Variants in CEP83 observed in about 807,000 individuals in gnomAD.
CEP83 encodes the protein centrosomal protein 83, also known as centrosomal protein of 83 kDa.
A neutral mutation model predicts 101.9 loss-of-function variants in CEP83; 70 were observed. The observed-to-expected ratio is 0.69, with a 90% confidence interval of 0.57 to 0.84. The LOEUF is 0.84. Ranked by LOEUF, CEP83 falls within the 40% of genes least tolerant of loss-of-function variation. CEP83 has a pLI of 0.00. For synonymous variants in CEP83, 264 were observed against 267.9 expected (o/e 0.99, Z 0.14); for missense variants, 715 against 787.2 (o/e 0.91, Z 1.10).
At chr12:94,298,365 G>C in the CEP83 span, among the ~76,000 whole-genome samples, 3 of 152,198 alleles carry the variant, frequency 2.0e-5, no homozygotes, top group African/African-American at 7.2e-5. Context: ...AACTGCTAGA[G>C]ATTTCTGATA....
chr12:94,303,107 A>G (rs1264042533), downstream of CEP83, among the ~76,000 whole-genome samples: 3 of 152,246 alleles, frequency 2.0e-5, no homozygotes, highest in Middle Eastern at 6.3e-3. Context: ...TTAAAAATAA[A>G]ATCATATTTA....
chr12:94,372,391 TTAC>T (rs1388073172), intron 8 of CEP83, among the ~76,000 whole-genome samples: 1 of 152,236 alleles, frequency 6.6e-6, no homozygotes, highest in Non-Finnish European at 1.5e-5. Context: ...AGATTGGATT[TTAC>T]TACATTATAA....
At chr12:94,351,149 G>C (rs117618275) in intron 11 of CEP83, among the ~76,000 whole-genome samples, 6,925 of 152,250 alleles carry the variant, frequency 0.045, 214 homozygotes, top group Non-Finnish European at 0.072. Flanking sequence ...CACCCAGCCA[G>C]GATTGGCTCA....
At position 94,359,513 on chromosome 12, in the gene CEP83, C is replaced by T. The variant is rs2060642215; in HGVS notation, c.1343+8281G>A. Among the ~76,000 whole-genome samples, 4 of 152,096 alleles carry T rather than the reference C, an allele frequency of 2.6e-5. No individual in the cohort carries two copies. In the South Asian group the frequency reaches 8.3e-4, roughly 32 times the overall value. On this transcript the variant is annotated intron_variant, in intron 11 of 16. Transcript: ENST00000397809. ...ACTATTATGAGCAACTGTAGGACAA[C>T]AAATAGGAAAACCTAGAGAAAATGG...
the CEP83 span, among the ~76,000 whole-genome samples, chr12:94,291,169 A>AAT: frequency 2.0e-5 from 3 of 152,248 alleles, no homozygotes. Flanking sequence ...CAAAAGAGGC[A>AAT]ATATATACAG....
At chr12:94,316,101 C>T (rs966765414) in intron 14 of CEP83, among the ~76,000 whole-genome samples, 5 of 152,098 alleles carry the variant, frequency 3.3e-5, no homozygotes, top group Non-Finnish European at 7.4e-5. Flanking sequence ...AGAACTGACA[C>T]CTTAATATTG....
chr12:94,453,269 G>A (rs1037899982), intron 1 of CEP83, among the ~76,000 whole-genome samples: 5 of 152,004 alleles, frequency 3.3e-5, no homozygotes, highest in South Asian at 2.1e-4. Flanking sequence ...TACCACTAAC[G>A]TTGATGACTC....
intron 4 of CEP83, among the ~76,000 whole-genome samples, chr12:94,408,647 A>G (rs1463645008): frequency 6.6e-6 from 1 of 152,030 alleles, no homozygotes. Context: ...TGGTGTAACC[A>G]TGGCTCCCTG....
chr12:94,280,071 T>C, the CEP83 span: 1 of 343,018 alleles, frequency 2.9e-6, no homozygotes, highest in Non-Finnish European at 5.7e-6. Context: ...GCTCAGACTC[T>C]GGGTGTTAAC....
Position 94,440,016 on chromosome 12 carries a change from G to A in CEP83, c.-154-4689C>T, listed in dbSNP as rs192000303. ...TATGATTAAAACCGTCTGCAACATC[G>A]GCATAGAAGGGACATACCTTAAGAT... On this transcript the variant is annotated intron_variant, in intron 1 of 16. Coordinates refer to ENST00000397809, the MANE Select transcript of CEP83 (RefSeq NM_016122.3). Among the ~76,000 whole-genome samples the A allele has an allele frequency of 1.4e-4, 22 of 152,140 alleles. 1 individual carries two copies. The highest frequency in any genetic ancestry group is 4.2e-4 in the South Asian group (2 of 4,814).
At chr12:94,397,056 T>C (rs1237907142) in intron 6 of CEP83, among the ~76,000 whole-genome samples, 2 of 152,224 alleles carry the variant, frequency 1.3e-5, no homozygotes, top group Non-Finnish European at 2.9e-5. Flanking sequence ...TCCACAATTA[T>C]ACACTCAGTA....
intron 11 of CEP83, among the ~76,000 whole-genome samples, chr12:94,361,732 G>A (rs182445379): frequency 3.3e-5 from 5 of 150,776 alleles, no homozygotes; most frequent in South Asian, 2.1e-4. Context: ...ACAGAGTTTC[G>A]CTCTTTTTGC....
chr12:94,411,990 G>C (rs1295852791), intron 3 of CEP83, 143 bp from the exon 4 acceptor site: 2 of 726,632 alleles, frequency 2.8e-6, no homozygotes, highest in Non-Finnish European at 4.5e-6. Flanking sequence ...TTTATTTACA[G>C]AGTTTCATTT....
chr12:94,389,831 G>C (rs1055970225), intron 6 of CEP83, among the ~76,000 whole-genome samples: 5 of 152,220 alleles, frequency 3.3e-5, no homozygotes, highest in African/African-American at 1.2e-4. Context: ...TGCCTGGCTC[G>C]GTGGGTCCCA....
At chr12:94,275,415 C>G in the CEP83 span, among the ~76,000 whole-genome samples, 3 of 152,160 alleles carry the variant, frequency 2.0e-5, no homozygotes, top group African/African-American at 7.2e-5. Flanking sequence ...TGGCTGAGGG[C>G]AGACGCTGTG....
chr12:94,331,304 A>AAAAAAAAAG (rs2059199490), intron 14 of CEP83, among the ~76,000 whole-genome samples: 1 of 133,440 alleles, frequency 7.5e-6, no homozygotes, highest in African/African-American at 2.6e-5. Flanking sequence ...AAAAAAAAAA[A>AAAAAAAAAG]AAAAAAAAAA....
chr12:94,297,231 G>A, the CEP83 span: 1 of 1,614,026 alleles, frequency 6.2e-7, no homozygotes, highest in Non-Finnish European at 8.5e-7. Context: ...GTGAGTTCAG[G>A]CTTTCTTGTG....
the CEP83 span, among the ~76,000 whole-genome samples, chr12:94,287,562 C>G: frequency 2.0e-5 from 3 of 151,532 alleles, no homozygotes; most frequent in Middle Eastern, 3.4e-3. Context: ...GATTACACTT[C>G]GAGTTCTGAG....
chr12:94,332,104 G>C (rs146595659), intron 13 of CEP83, among the ~76,000 whole-genome samples: 1 of 152,236 alleles, frequency 6.6e-6, no homozygotes, highest in Non-Finnish European at 1.5e-5. Context: ...TTATAAATGA[G>C]GAAACTGAGG....
Sources: allele counts gnomAD v4.1 joint callset (sites outside exome capture counted in the v4.1 genomes callset), GRCh38; gene constraint gnomAD v4.1.1; transcripts MANE v1.5; gene names NCBI Gene and HGNC (gene_info 2026-07-23, HGNC 2026-07-21).